The following PPARGC1B variants were observed in gnomAD, a reference collection of about 807,000 sequenced individuals.
PPARGC1B encodes the protein peroxisome proliferator-activated receptor gamma coactivator 1-beta.
In PPARGC1B, 34 loss-of-function variants were observed where a neutral mutation model predicts 101.6. That is an observed-to-expected ratio of 0.33 (90% CI 0.25 to 0.45). PPARGC1B has a LOEUF of 0.45. Among genes scored for constraint, PPARGC1B ranks in the 20% least tolerant of loss-of-function variants. PPARGC1B has a pLI of 1.00. For synonymous variants in PPARGC1B, 548 were observed against 539.3 expected (o/e 1.02, Z -0.22); for missense variants, 1,234 against 1,317.6 (o/e 0.94, Z 0.98).
At chr5:149,735,592 T>C (rs17797713) in intron 1 of PPARGC1B, among the ~76,000 whole-genome samples, 24,120 of 152,242 alleles carry the variant, frequency 0.16, 2,287 homozygotes, top group South Asian at 0.31. Flanking sequence ...CATTTCATTC[T>C]CATAGATATT....
chr5:149,830,063 A>C (rs1444642017), intron 3 of PPARGC1B, among the ~76,000 whole-genome samples: 1 of 148,072 alleles, frequency 6.8e-6, no homozygotes, highest in Non-Finnish European at 1.5e-5. Flanking sequence ...AAGAAAAAAA[A>C]AAAAAAACAG....
chr5:149,753,232 A>G (rs1755381853), intron 1 of PPARGC1B, among the ~76,000 whole-genome samples: 1 of 152,124 alleles, frequency 6.6e-6, no homozygotes, highest in Admixed American at 6.5e-5. Flanking sequence ...GTTGAGACAG[A>G]GTCTCGCTCT....
chr5:149,803,143 A>G (rs1757486640), intron 1 of PPARGC1B, among the ~76,000 whole-genome samples: 1 of 152,176 alleles, frequency 6.6e-6, no homozygotes, highest in African/African-American at 2.4e-5. Context: ...CAGTGCTGGA[A>G]TATGGGGGAC....
chr5:149,769,550 G>A (rs989673224), intron 1 of PPARGC1B, among the ~76,000 whole-genome samples: 6 of 152,098 alleles, frequency 3.9e-5, no homozygotes, highest in Non-Finnish European at 5.9e-5. Context: ...CCATGCCCTC[G>A]TCCTCTCTGG....
At chr5:149,750,361 C>T (rs1755241061) in intron 1 of PPARGC1B, among the ~76,000 whole-genome samples, 1 of 151,022 alleles carries the variant, frequency 6.6e-6, no homozygotes, top group South Asian at 2.1e-4. Flanking sequence ...AATTTCTTCC[C>T]CTTTTCCACA....
intron 1 of PPARGC1B, among the ~76,000 whole-genome samples, chr5:149,753,703 A>AT (rs1444340584): frequency 1.3e-5 from 2 of 150,612 alleles, no homozygotes; most frequent in African/African-American, 2.4e-5. Flanking sequence ...ATTTAGTTAG[A>AT]TTTTTTCTGA....
chr5:149,775,394 T>C (rs1756319067), intron 1 of PPARGC1B, among the ~76,000 whole-genome samples: 1 of 152,178 alleles, frequency 6.6e-6, no homozygotes, highest in Admixed American at 6.5e-5. Flanking sequence ...CAGTGATTCT[T>C]GCCCTGCCTG....
chr5:149,847,085 A>G (rs1376790321), intron 11 of PPARGC1B: 1 of 172,628 alleles, frequency 5.8e-6, no homozygotes, highest in Non-Finnish European at 1.2e-5. Flanking sequence ...ACTGCATCTC[A>G]AAAAAAAAAA....
chr5:149,797,590 G>C (rs1482632620), intron 1 of PPARGC1B, among the ~76,000 whole-genome samples: 1 of 152,026 alleles, frequency 6.6e-6, no homozygotes, highest in Non-Finnish European at 1.5e-5. Flanking sequence ...TGATAGTATT[G>C]GTTTTCTTTA....
At chr5:149,826,913 T>C (rs1283906534) in intron 3 of PPARGC1B, 28 bp downstream of exon 3, 2 of 1,536,802 alleles carry the variant, frequency 1.3e-6, no homozygotes, top group Admixed American at 1.7e-5. Context: ...GCAGAAGTGA[T>C]GGTTGCAGCC....
intron 1 of PPARGC1B, among the ~76,000 whole-genome samples, chr5:149,814,828 G>A (rs946023940): frequency 5.9e-5 from 9 of 152,230 alleles, no homozygotes; most frequent in Non-Finnish European, 1.0e-4. Context: ...GGCAGCCACA[G>A]TCCTTTCAGA....
At chr5:149,834,783 TGGGG>T in intron 6 of PPARGC1B, 73 bp downstream of exon 6, 3 of 1,406,298 alleles carry the variant, frequency 2.1e-6, no homozygotes, top group Non-Finnish European at 3.0e-6. Flanking sequence ...TTGGTGGTGA[TGGGG>T]GATTCATCAG....
chr5:149,824,122 C>A (rs1362411534), intron 2 of PPARGC1B, among the ~76,000 whole-genome samples: 1 of 152,214 alleles, frequency 6.6e-6, no homozygotes, highest in Non-Finnish European at 1.5e-5. Context: ...GTTAGCAATA[C>A]AGGGGAGCAG....
chr5:149,730,652 G>A lies in PPARGC1B; in HGVS notation c.78+232G>A, dbSNP rs941525942. ...GGGGGCGCTACGGCCGCTGGGGAGG[G>A]TCTAGCCTTGGCCGCTTGGAGTCTG... is the stretch of plus-strand genomic sequence containing the variant. On this transcript the variant is annotated intron_variant, in intron 1 of 11. Transcript: ENST00000309241. The surrounding 1 kb of genome is among the most constrained non-coding windows in gnomAD (Gnocchi z 4.0). 6.6e-6 allele frequency among the ~76,000 whole-genome samples: 1 copy of A among 152,148 alleles called. No individual in the cohort carries two copies. The highest frequency in any genetic ancestry group is 2.4e-5 in the African/African-American group (1 of 41,442).
chr5:149,840,173 G>A (rs557313213), intron 9 of PPARGC1B, 57 bp downstream of exon 9: 1 of 1,531,294 alleles, frequency 6.5e-7, no homozygotes, highest in East Asian at 2.3e-5. Flanking sequence ...GGAAGTGTGT[G>A]GGGGCTTCAT....
Position 149,830,873 on chromosome 5 carries a change from C to G in PPARGC1B, c.572C>G (p.Pro191Arg). 1 of 1,611,582 alleles carries G rather than the reference C, an allele frequency of 6.2e-7. No individual in the cohort carries two copies. The highest frequency in any genetic ancestry group is 8.5e-7 in the Non-Finnish European group (1 of 1,177,668). The change falls in exon 4 of 12, where the codon CCT becomes CGT. Residue 191 changes from proline to arginine, a missense_variant. By Grantham distance (103) the Pro-to-Arg change is moderately radical. Transcript: ENST00000309241. ...GGCCTCAGATCTAAAAGTCAACGGCCTTGTGTTAAGGTATTTCTTCACATG... is the reference window on the plus strand; with the variant it reads ...GGCCTCAGATCTAAAAGTCAACGGCGTTGTGTTAAGGTATTTCTTCACATG... ...QAGLRSKSQR[P>R]CVKADSTQDK... is the part of the protein sequence containing the mutation.
Position 149,833,442 on chromosome 5 carries a change from G to A in PPARGC1B, c.1369G>A (p.Gly457Ser), listed in dbSNP as rs1758898850. Residue 457 changes from glycine to serine, a missense_variant, in exon 5 of 12, where the codon GGC becomes AGC. Gly to Ser is a moderately conservative substitution (Grantham distance 56, BLOSUM62 0). Coordinates refer to ENST00000309241, the MANE Select transcript of PPARGC1B (RefSeq NM_133263.4). The surrounding 1 kb of genome is among the most constrained non-coding windows in gnomAD (Gnocchi z 4.1). ...GGAGGAGTGGGGCAGGAAAAGGCCA[G>A]GCCGAGGCCTGCCATGGACGAAGCT... ...EEEEWGRKRP[G>S]RGLPWTKLGR... The A allele has an allele frequency of 6.3e-7, 1 of 1,579,128 alleles. No individual in the cohort carries two copies. Among genetic ancestry groups the A allele is most frequent in the Admixed American group, 1.9e-5 (1 of 53,758 alleles).
intron 1 of PPARGC1B, among the ~76,000 whole-genome samples, chr5:149,798,448 G>A (rs1038629913): frequency 5.3e-5 from 8 of 152,190 alleles, no homozygotes; most frequent in Admixed American, 2.6e-4. Context: ...TCTGAAAAGA[G>A]GCACCATGCC....
At chr5:149,773,416 C>T (rs1484755700) in intron 1 of PPARGC1B, among the ~76,000 whole-genome samples, 1 of 152,238 alleles carries the variant, frequency 6.6e-6, no homozygotes. Flanking sequence ...GTGCTGCCTA[C>T]ACAGGGGAAG....
Sources: allele counts gnomAD v4.1 joint callset (sites outside exome capture counted in the v4.1 genomes callset), GRCh38; gene constraint gnomAD v4.1.1; non-coding constraint Gnocchi (gnomAD v3.1); transcripts MANE v1.5; gene names NCBI Gene and HGNC (gene_info 2026-07-23, HGNC 2026-07-21).